Variants in STRN observed in about 807,000 individuals in gnomAD.
STRN encodes striatin, also known as protein phosphatase 2 regulatory subunit B'''alpha.
Under a neutral mutation model 96.3 loss-of-function variants are expected in STRN, and 53 were observed. The ratio of observed to expected loss-of-function variants is 0.55; its 90% CI spans 0.44 to 0.69. The LOEUF (loss-of-function observed/expected upper bound fraction) is 0.69. Among genes scored for constraint, STRN ranks in the 30% least tolerant of loss-of-function variants. The probability of loss-of-function intolerance (pLI) is 0.00; values close to 1 mark genes in which losing one functional copy is unlikely to be tolerated. For missense variants in STRN, 987 were observed against 963.9 expected (o/e 1.02, Z -0.32); for synonymous variants, 428 against 355.9 (o/e 1.20, Z -2.28).
intron 3 of STRN, among the ~76,000 whole-genome samples, chr2:36,908,463 T>A (rs1669877943): frequency 6.6e-6 from 1 of 152,194 alleles, no homozygotes; most frequent in Non-Finnish European, 1.5e-5. Context: ...GGAATTCATA[T>A]GACTTTCTAG....
chr2:36,887,576 T>C (rs1669274354), intron 7 of STRN, among the ~76,000 whole-genome samples: 1 of 152,092 alleles, frequency 6.6e-6, no homozygotes, highest in Non-Finnish European at 1.5e-5. Flanking sequence ...AAAATTTTTA[T>C]TTAGGGATTG....
intron 1 of STRN, among the ~76,000 whole-genome samples, chr2:36,936,389 G>C (rs1670701987): frequency 6.6e-6 from 1 of 152,152 alleles, no homozygotes; most frequent in African/African-American, 2.4e-5. Context: ...GATAAATGGT[G>C]CATAATTTTA....
chr2:36,898,164 C>T (rs1669593079), intron 6 of STRN, among the ~76,000 whole-genome samples: 1 of 152,058 alleles, frequency 6.6e-6, no homozygotes, highest in East Asian at 1.9e-4. Flanking sequence ...AGAAACATAG[C>T]ATCATGATTC....
chr2:36,935,890 T>C (rs1339318825), intron 1 of STRN, among the ~76,000 whole-genome samples: 2 of 152,254 alleles, frequency 1.3e-5, no homozygotes, highest in Non-Finnish European at 1.5e-5. Flanking sequence ...GAACATTTTT[T>C]TAATTCTCAG....
At chr2:36,959,915 C>T (rs1378036478) in intron 1 of STRN, among the ~76,000 whole-genome samples, 1 of 152,040 alleles carries the variant, frequency 6.6e-6, no homozygotes, top group Non-Finnish European at 1.5e-5. Flanking sequence ...GTATTCATTC[C>T]CTCTGATTAT....
At chr2:36,887,524 G>A (rs1669272997) in intron 7 of STRN, among the ~76,000 whole-genome samples, 1 of 151,572 alleles carries the variant, frequency 6.6e-6, no homozygotes, top group Non-Finnish European at 1.5e-5. Flanking sequence ...ATTCCTCTAG[G>A]ACTAACACAA....
chr2:36,955,151 A>T (rs1664853386), intron 1 of STRN, among the ~76,000 whole-genome samples: 1 of 152,226 alleles, frequency 6.6e-6, no homozygotes, highest in African/African-American at 2.4e-5. Context: ...GCAGCTACAC[A>T]GAGTGAGGGA....
chr2:36,906,923 C>CA lies in STRN; in HGVS notation c.413-1306dup, dbSNP rs1553399843. On this transcript the variant is annotated intron_variant, in intron 3 of 17. Coordinates refer to ENST00000263918, the MANE Select transcript of STRN (RefSeq NM_003162.4). Reference sequence around the variant, plus strand: ...TGGGCGACAGAGCAAGACTCCATCTCAAAAAACAAAAAAAACAAAAAAAAA... The same window carrying CA: ...TGGGCGACAGAGCAAGACTCCATCTCAAAAAAACAAAAAAAACAAAAAAAAA... Among the ~76,000 whole-genome samples the CA allele has an allele frequency of 3.9e-3, 477 of 122,122 alleles. 5 individuals are homozygous for CA. Among genetic ancestry groups the CA allele is most frequent in the African/African-American group, 0.013 (466 of 34,670 alleles). The allele number at this position is 122,122 out of a possible 152,430, so 80.1% of individuals were successfully genotyped here. A position where few individuals can be genotyped will look rare whatever the true frequency, so the allele number is the denominator to read the frequency against.
At chr2:36,901,303 A>C (rs1558644794) in intron 5 of STRN, among the ~76,000 whole-genome samples, 1 of 152,200 alleles carries the variant, frequency 6.6e-6, no homozygotes, top group African/African-American at 2.4e-5. Context: ...CGGTAATCCC[A>C]GTACTTCAGG....
chr2:36,860,362 G>A (rs1668445262), intron 13 of STRN, among the ~76,000 whole-genome samples: 1 of 152,178 alleles, frequency 6.6e-6, no homozygotes, highest in African/African-American at 2.4e-5. Flanking sequence ...AAGAGAATTA[G>A]GGGAGAGTGG....
chr2:36,933,189 A>C (rs1321053353), intron 1 of STRN, among the ~76,000 whole-genome samples: 1 of 152,208 alleles, frequency 6.6e-6, no homozygotes, highest in Admixed American at 6.6e-5. Context: ...AAATTTTAAA[A>C]ATACAGTATA....
At chr2:36,865,108 C>T (rs879576605) in intron 12 of STRN, among the ~76,000 whole-genome samples, 1 of 152,216 alleles carries the variant, frequency 6.6e-6, no homozygotes, top group Non-Finnish European at 1.5e-5. Context: ...CCATCTCAAC[C>T]TGGGCTTTTT....
chr2:36,866,261 C>T (rs1221223954), intron 12 of STRN, among the ~76,000 whole-genome samples: 5 of 151,802 alleles, frequency 3.3e-5, no homozygotes, highest in Non-Finnish European at 7.4e-5. Flanking sequence ...AGATGGGGTT[C>T]TGCCATGCTG....
At chr2:36,870,847 G>C (rs1668743840) in intron 10 of STRN, among the ~76,000 whole-genome samples, 1 of 152,188 alleles carries the variant, frequency 6.6e-6, no homozygotes, top group African/African-American at 2.4e-5. Flanking sequence ...CCATGACTGT[G>C]ACTGCCCCTG....
rs1668715936 is a variant in STRN, at chr2:36,869,742, C to G, written c.1324-13G>C. 1 of 1,556,956 alleles carries G rather than the reference C, an allele frequency of 6.4e-7. No individual in the cohort carries two copies. Among genetic ancestry groups the G allele is most frequent in the Non-Finnish European group, 8.7e-7 (1 of 1,152,144 alleles). On this transcript the variant is annotated splice_polypyrimidine_tract_variant and intron_variant, in intron 10 of 17. Coordinates refer to ENST00000263918, the MANE Select transcript of STRN (RefSeq NM_003162.4). ...TATTGTTTGCTATCTATTAAAGAAACAAAACAAAGATATCTACACACTTAG... is the reference window on the plus strand; with the variant it reads ...TATTGTTTGCTATCTATTAAAGAAAGAAAACAAAGATATCTACACACTTAG...
rs997992908 is a variant in STRN at position 36,839,205 on chromosome 2, G to C, written c.*10251C>G. 1.8e-4 allele frequency among the ~76,000 whole-genome samples: 28 copies of C among 152,022 alleles called. No homozygotes were observed. Among genetic ancestry groups the C allele is most frequent in the Non-Finnish European group, 4.0e-4 (27 of 68,006 alleles). ...TTCATTTCTGTCACTTTCTTAACCT[G>C]AAAAACATCAAATCATCCCCCTTCC... is the stretch of plus-strand genomic sequence containing the variant. On this transcript the variant is annotated 3_prime_UTR_variant, in exon 18 of 18. Coordinates refer to ENST00000263918, the MANE Select transcript of STRN (RefSeq NM_003162.4).
chr2:36,921,710 G>A (rs1161153408), intron 2 of STRN, among the ~76,000 whole-genome samples: 1 of 101,434 alleles, frequency 9.9e-6, no homozygotes, highest in South Asian at 3.3e-4. Flanking sequence ...TTTTGTTGAT[G>A]TGTCTATTTC....
chr2:36,927,531 G>GGT (rs1553402933), intron 1 of STRN, among the ~76,000 whole-genome samples: 1 of 145,468 alleles, frequency 6.9e-6, no homozygotes, highest in African/African-American at 2.5e-5. Context: ...AAAAGGGGGG[G>GGT]GGGGGTGGTA....
chr2:36,899,116 G>T (rs1441269693), intron 6 of STRN, among the ~76,000 whole-genome samples: 1 of 152,170 alleles, frequency 6.6e-6, no homozygotes, highest in East Asian at 1.9e-4. Context: ...CTGAAAGTTT[G>T]CCTACCAAAA....
Sources: allele counts gnomAD v4.1 joint callset (sites outside exome capture counted in the v4.1 genomes callset), GRCh38; gene constraint gnomAD v4.1.1; transcripts MANE v1.5; gene names NCBI Gene and HGNC (gene_info 2026-07-23, HGNC 2026-07-21).